TRIM2: variants seen among roughly 807,000 people sequenced by gnomAD.
The protein encoded by TRIM2 is tripartite motif-containing protein 2.
In TRIM2, 20 loss-of-function variants were observed where a neutral mutation model predicts 75.2. That is an observed-to-expected ratio of 0.27 (90% CI 0.19 to 0.39). The LOEUF (loss-of-function observed/expected upper bound fraction) is 0.39, where lower values mean the gene tolerates loss of function less well. TRIM2 is among the 10% of genes least tolerant of loss of function. TRIM2 has a pLI of 1.00. For synonymous variants in TRIM2, 373 were observed against 388.3 expected (o/e 0.96, Z 0.46); for missense variants, 660 against 990.8 (o/e 0.67, Z 4.48).
intron 3 of TRIM2, among the ~76,000 whole-genome samples, chr4:153,282,618 G>GT (rs1022961122): frequency 8.5e-5 from 13 of 152,080 alleles, no homozygotes; most frequent in Admixed American, 5.9e-4. Context: ...TTGTTTGTTT[G>GT]TTTTTTTGTT....
upstream of TRIM2, chr4:153,204,350 A>G (rs1734807346): frequency 9.3e-6 from 6 of 644,964 alleles, no homozygotes; most frequent in South Asian, 7.9e-5. Flanking sequence ...GAGGCTGATC[A>G]TTGGCTCTCA....
At chr4:153,316,314 A>G (rs1185454575) in intron 8 of TRIM2, among the ~76,000 whole-genome samples, 2 of 152,362 alleles carry the variant, frequency 1.3e-5, no homozygotes, top group East Asian at 3.9e-4. Context: ...GGTTTTCAAA[A>G]GAGTTATTAA....
In TRIM2 at chr4:153,265,077, T is replaced by C. The variant is rs181694404; in HGVS notation, c.31-5258T>C. 4.6e-5 allele frequency among the ~76,000 whole-genome samples: 7 copies of C among 152,310 alleles called. No homozygotes were observed. In the East Asian group the frequency reaches 1.3e-3, roughly 29 times the overall value. ...TTTTTGGCTTTAGAGCATAAAATAT[T>C]GGCTCAAGAAATTTCATTTAGTCAA... On this transcript the variant is annotated intron_variant, in intron 1 of 11. Transcript: ENST00000338700.
intron 8 of TRIM2, among the ~76,000 whole-genome samples, chr4:153,322,268 A>G (rs1985427): frequency 0.43 from 65,527 of 151,894 alleles, 14,522 homozygotes; most frequent in African/African-American, 0.53. Flanking sequence ...AAAATTAGCC[A>G]GGCATGGTGG....
chr4:153,226,472 G>A (rs759191459), intron 1 of TRIM2, among the ~76,000 whole-genome samples: 1 of 152,160 alleles, frequency 6.6e-6, no homozygotes, highest in African/African-American at 2.4e-5. Context: ...CTGGAACAAG[G>A]GCAATTTGTA....
intron 1 of TRIM2, among the ~76,000 whole-genome samples, chr4:153,255,899 C>T (rs551467352): frequency 1.2e-4 from 19 of 152,068 alleles, no homozygotes; most frequent in Non-Finnish European, 2.2e-4. Context: ...AAACCTTTAG[C>T]GACAGAAAGT....
intron 1 of TRIM2, among the ~76,000 whole-genome samples, chr4:153,171,612 A>T (rs1441524844): frequency 6.8e-6 from 1 of 146,856 alleles, no homozygotes; most frequent in Non-Finnish European, 1.5e-5. Context: ...ACAAAAAAAT[A>T]TATATATATG....
At chr4:153,304,360 C>T (rs1764552959) in intron 6 of TRIM2, among the ~76,000 whole-genome samples, 1 of 152,020 alleles carries the variant, frequency 6.6e-6, no homozygotes, top group African/African-American at 2.4e-5. Flanking sequence ...GTGATCTGCC[C>T]GCCTTGGCCT....
chr4:153,224,652 T>A (rs1741644083), intron 1 of TRIM2, among the ~76,000 whole-genome samples: 1 of 152,236 alleles, frequency 6.6e-6, no homozygotes, highest in Non-Finnish European at 1.5e-5. Flanking sequence ...TTCCTGCCTT[T>A]ATTTTCCTGG....
intron 2 of TRIM2, among the ~76,000 whole-genome samples, chr4:153,273,360 C>G (rs1757273981): frequency 6.9e-6 from 1 of 145,756 alleles, no homozygotes; most frequent in Non-Finnish European, 1.5e-5. Context: ...ACTGCAAGCT[C>G]CACCTCCCGG....
chr4:153,298,193 C>G (rs150399501), intron 6 of TRIM2, among the ~76,000 whole-genome samples: 1 of 152,280 alleles, frequency 6.6e-6, no homozygotes, highest in Non-Finnish European at 1.5e-5. Flanking sequence ...TAGAACAGTG[C>G]CTGGCATGCA....
At chr4:153,301,985 A>G (rs1470331676) in intron 6 of TRIM2, among the ~76,000 whole-genome samples, 1 of 152,138 alleles carries the variant, frequency 6.6e-6, no homozygotes, top group Non-Finnish European at 1.5e-5. Context: ...TTCCATACGA[A>G]TTTTAGGATT....
chr4:153,239,832 C>CTTTTTTTTTTTTTTTTTTT (rs142457664), intron 1 of TRIM2, among the ~76,000 whole-genome samples: 1 of 139,448 alleles, frequency 7.2e-6, no homozygotes, highest in African/African-American at 2.7e-5. Flanking sequence ...AACTTTCTTT[C>CTTTTTTTTTTTTTTTTTTT]TCTTTTTTTT....
chr4:153,243,822 C>CTTT (rs1267707786), intron 1 of TRIM2, among the ~76,000 whole-genome samples: 1,659 of 125,602 alleles, frequency 0.013, 42 homozygotes, highest in East Asian at 0.097. Context: ...TTTTTTTCCC[C>CTTT]CCCCCCTTGA....
chr4:153,193,382 T>G (rs566707637), intron 1 of TRIM2, among the ~76,000 whole-genome samples: 1 of 152,130 alleles, frequency 6.6e-6, no homozygotes, highest in Non-Finnish European at 1.5e-5. Context: ...CCGCCCGCCT[T>G]GTCCTCCCAA....
chr4:153,176,411 CT>C (rs1247860682), intron 1 of TRIM2, among the ~76,000 whole-genome samples: 1 of 151,806 alleles, frequency 6.6e-6, no homozygotes, highest in Admixed American at 6.6e-5. Flanking sequence ...TCTGGTTAAA[CT>C]ACTGCACTCC....
At chr4:153,313,291 G>A (rs1474109985) in intron 6 of TRIM2, among the ~76,000 whole-genome samples, 2 of 152,112 alleles carry the variant, frequency 1.3e-5, no homozygotes, top group Non-Finnish European at 2.9e-5. Context: ...GACAGTATCT[G>A]GATCTCAAAT....
intron 1 of TRIM2, among the ~76,000 whole-genome samples, chr4:153,153,896 C>T (rs561868468): frequency 6.6e-6 from 1 of 152,240 alleles, no homozygotes; most frequent in Non-Finnish European, 1.5e-5. Context: ...TCTCTTCGCA[C>T]AAGGGGTTTA....
intron 1 of TRIM2, among the ~76,000 whole-genome samples, chr4:153,218,953 C>A (rs1042296801): frequency 1.3e-5 from 2 of 151,336 alleles, no homozygotes; most frequent in African/African-American, 4.9e-5. Flanking sequence ...GAGTAAAACA[C>A]CCCGCTTTGC....
Sources: gnomAD v4.1 joint callset for allele counts (sites outside exome capture counted in the v4.1 genomes callset) on GRCh38, gnomAD v4.1.1 for gene constraint, MANE v1.5 for transcripts, NCBI Gene and HGNC (gene_info 2026-07-23, HGNC 2026-07-21) for gene names.